The following PDE6B variants were observed in gnomAD, a reference collection of about 807,000 sequenced individuals.
The protein encoded by PDE6B is rod cGMP-specific 3',5'-cyclic phosphodiesterase subunit beta.
Under a neutral mutation model 109.0 loss-of-function variants are expected in PDE6B, and 106 were observed. That is an observed-to-expected ratio of 0.97 (90% CI 0.83 to 1.14). PDE6B has a LOEUF of 1.14. Among genes scored for constraint, PDE6B ranks in the 50% most tolerant of loss-of-function variants. The pLI, the probability that PDE6B is intolerant of heterozygous loss-of-function variation, is 0.00. For synonymous variants in PDE6B, 490 were observed against 471.3 expected (o/e 1.04, Z -0.51); for missense variants, 1,193 against 1,155.6 (o/e 1.03, Z -0.47).
rs1560141047 is a variant in PDE6B at position 667,915 on chromosome 4, G to A, written c.2412G>A (p.Arg804=). Residue 804 remains arginine, a synonymous_variant, in exon 21 of 22, where the codon AGG becomes AGA. Coordinates refer to ENST00000496514, the MANE Select transcript of PDE6B (RefSeq NM_000283.4). ...TGTTCGACCGACTGCAGAACAATAG[G>A]AAAGAGTGGAAGGCGCTGGCTGATG... ...LPMFDRLQNN[R]KEWKALADEY... 3 of 1,613,632 alleles carry A rather than the reference G, an allele frequency of 1.9e-6. No homozygotes were observed.
Position 663,567 on chromosome 4 carries a change from C to G in PDE6B, c.1921-203C>G, listed in dbSNP as rs111917442. Among the ~76,000 whole-genome samples the G allele has an allele frequency of 6.6e-6, 1 of 152,206 alleles. No individual in the cohort carries two copies. Among genetic ancestry groups the G allele is most frequent in the Non-Finnish European group, 1.5e-5 (1 of 68,028 alleles). ...GTGACCTCTGAGGCCATCTGCGTCC[C>G]AAGCCGACGATGGAGCCGCTGGTGG... is the stretch of plus-strand genomic sequence containing the variant. On this transcript the variant is annotated intron_variant, in intron 15 of 21. Transcript: ENST00000496514. This position sits in a 1 kb window ranked among gnomAD's most constrained non-coding sequence, Gnocchi z 4.0.
At chr4:631,912 T>C (rs1734405854) in intron 1 of PDE6B, among the ~76,000 whole-genome samples, 1 of 151,292 alleles carries the variant, frequency 6.6e-6, no homozygotes, top group African/African-American at 2.4e-5. Context: ...ATTGCATGGA[T>C]TCATGTGTCA....
At position 635,979 on chromosome 4, in the gene PDE6B, C is replaced by CGCAGA; in HGVS notation, c.711+12_711+13insAGAGC. The CGCAGA allele has an allele frequency of 6.5e-7, 1 of 1,530,540 alleles. No homozygotes were observed. The highest frequency in any genetic ancestry group is 9.1e-7 in the Non-Finnish European group (1 of 1,103,876). The allele number at this position is 1,530,540 out of a possible 1,614,324, so 94.8% of individuals were successfully genotyped here. A position where few individuals can be genotyped will look rare whatever the true frequency, so the allele number is the denominator to read the frequency against. Reference sequence around the variant, plus strand: ...GACGCGCCGCGGCCAGGTACCCACACGCTGAGCACAGCTCTGCCCACGAGG... The same window carrying CGCAGA: ...GACGCGCCGCGGCCAGGTACCCACACGCAGAGCTGAGCACAGCTCTGCCCACGAGG... On this transcript the variant is annotated intron_variant, in intron 3 of 21. Coordinates refer to ENST00000496514, the MANE Select transcript of PDE6B (RefSeq NM_000283.4).
chr4:664,970 C>T, intron 18 of PDE6B, 26 bp downstream of exon 18: 1 of 1,566,676 alleles, frequency 6.4e-7, no homozygotes, highest in African/African-American at 1.3e-5. Flanking sequence ...CCTCCAGACC[C>T]AGAGTCAGTG....
In PDE6B at chr4:670,697, G is replaced by T. The variant is rs902811843; in HGVS notation, c.*590G>T. The T allele has an allele frequency of 6.4e-6, 1 of 155,678 alleles. No individual in the cohort carries two copies. Among genetic ancestry groups the T allele is most frequent in the Non-Finnish European group, 1.4e-5 (1 of 70,026 alleles). The allele number at this position is 155,678 out of a possible 1,614,324, so 9.6% of individuals were successfully genotyped here. On this transcript the variant is annotated 3_prime_UTR_variant, in exon 22 of 22. Coordinates refer to ENST00000496514, the MANE Select transcript of PDE6B (RefSeq NM_000283.4). ...CACACATGTACATATGTGTACACAG[G>T]TAGACAGATGGACACAGGCCGTTTC...
Position 665,219 on chromosome 4 carries a change from A to C in PDE6B, c.2194-36A>C. The C allele has an allele frequency of 1.3e-6, 2 of 1,529,536 alleles. No homozygotes were observed. Among genetic ancestry groups the C allele is most frequent in the Non-Finnish European group, 1.8e-6 (2 of 1,104,874 alleles). The allele number at this position is 1,529,536 out of a possible 1,614,324, so 94.7% of individuals were successfully genotyped here. On this transcript the variant is annotated intron_variant, in intron 18 of 21. Transcript: ENST00000496514. The surrounding 1 kb of genome is among the most constrained non-coding windows in gnomAD (Gnocchi z 4.0). ...GGCCCGGGCCCTTCCGCGTGGGCTC[A>C]GAGCTCCACAGACAGCTGCCTTCCT...
In PDE6B at chr4:636,425, C is replaced by T. The variant is rs1466643201; in HGVS notation, c.711+456C>T. ...GTACGGGGGCAGGTCTGGCCCTGGC[C>T]GAGACGCTGGGGAGGGAGGCCTGAG... On this transcript the variant is annotated intron_variant, in intron 3 of 21. Coordinates refer to ENST00000496514, the MANE Select transcript of PDE6B (RefSeq NM_000283.4). This position sits in a 1 kb window ranked among gnomAD's most constrained non-coding sequence, Gnocchi z 4.5. Among the ~76,000 whole-genome samples, 2 of 151,990 alleles carry T rather than the reference C, an allele frequency of 1.3e-5. No individual in the cohort carries two copies. Among genetic ancestry groups the T allele is most frequent in the Non-Finnish European group, 2.9e-5 (2 of 67,986 alleles).
At chr4:654,665 C>T (rs757694575) in intron 5 of PDE6B, 159 bp from the exon 6 acceptor site, 14 of 742,452 alleles carry the variant, frequency 1.9e-5, no homozygotes, top group African/African-American at 1.5e-4. Context: ...TACCTGCGCA[C>T]GGCGGAGACA....
chr4:625,764 C>T lies in PDE6B; in HGVS notation c.138C>T (p.Ser46=), dbSNP rs749254565. The T allele has an allele frequency of 2.5e-6, 4 of 1,613,334 alleles. No individual in the cohort carries two copies. In the East Asian group the frequency reaches 6.7e-5, roughly 27 times the overall value. The change falls in exon 1 of 22, where the codon AGC becomes AGT. Residue 46 remains serine, a synonymous_variant. Transcript: ENST00000496514. This position sits in a 1 kb window ranked among gnomAD's most constrained non-coding sequence, Gnocchi z 5.0. ...ACGGGTGCCCGCCGGACTGCGACAG[C>T]CTCCGGGACCTCTGCCAGGTGGAGG... ...CEDGCPPDCD[S]LRDLCQVEES... is the part of the protein sequence containing the mutation.
rs1405246786 is a variant in PDE6B, at chr4:661,757, C to T, written c.1615-377C>T. The T allele has an allele frequency of 1.3e-5, 4 of 314,362 alleles. No individual in the cohort carries two copies. In the East Asian group the frequency reaches 3.2e-4, roughly 25 times the overall value. 19.5% of individuals were successfully genotyped at this position (314,362 alleles called of 1,614,324 possible). On this transcript the variant is annotated intron_variant, in intron 12 of 21. Transcript: ENST00000496514. ...ACATCGGTTCTCCCACCCCAGCCTGCAGCCCACACATTCTGCTCATTCAAA... is the reference window on the plus strand; with the variant it reads ...ACATCGGTTCTCCCACCCCAGCCTGTAGCCCACACATTCTGCTCATTCAAA...
chr4:660,967 A>C (rs1048241438), intron 12 of PDE6B, among the ~76,000 whole-genome samples: 1 of 140,140 alleles, frequency 7.1e-6, no homozygotes, highest in Non-Finnish European at 1.6e-5. Flanking sequence ...TGCCAATGGT[A>C]GTTGGATAGT....
At chr4:634,634 A>G in intron 1 of PDE6B, 43 bp from the exon 2 acceptor site, 1 of 1,558,884 alleles carries the variant, frequency 6.4e-7, no homozygotes, top group South Asian at 1.1e-5. Context: ...CTCCAGGCCC[A>G]CGGTGCGACA....
rs540772579 is a variant in PDE6B at position 653,840 on chromosome 4, C to T, written c.712-12C>T. The T allele has an allele frequency of 1.5e-5, 24 of 1,613,274 alleles. No individual in the cohort carries two copies. Among genetic ancestry groups the T allele is most frequent in the African/African-American group, 6.7e-5 (5 of 75,034 alleles). ...AGTGGCCACAGGCCCACAGGTGTGC[C>T]CCTCCCTCCAGGTGCTGCTGTGGTC... On this transcript the variant is annotated splice_polypyrimidine_tract_variant and intron_variant, in intron 3 of 21. Coordinates refer to ENST00000496514, the MANE Select transcript of PDE6B (RefSeq NM_000283.4).
chr4:625,597 C>T lies in PDE6B; in HGVS notation c.-30C>T. 1 of 1,461,236 alleles carries T rather than the reference C, an allele frequency of 6.8e-7. No homozygotes were observed. The highest frequency in any genetic ancestry group is 1.1e-5 in the South Asian group (1 of 88,046). The allele number at this position is 1,461,236 out of a possible 1,614,324, so 90.5% of individuals were successfully genotyped here. On this transcript the variant is annotated 5_prime_UTR_variant, in exon 1 of 22. Transcript: ENST00000496514. This position sits in a 1 kb window ranked among gnomAD's most constrained non-coding sequence, Gnocchi z 5.0. ...CCTGGGAGTCCATGCGTGCCTGGAG[C>T]AGCAGCGTCTCCAGGGACAGGCAGC...
chr4:636,731 G>T lies in PDE6B; in HGVS notation c.711+762G>T, dbSNP rs978149032. Among the ~76,000 whole-genome samples the T allele has an allele frequency of 2.0e-5, 3 of 152,210 alleles. No individual in the cohort carries two copies. The highest frequency in any genetic ancestry group is 4.4e-5 in the Non-Finnish European group (3 of 68,018). On this transcript the variant is annotated intron_variant, in intron 3 of 21. Coordinates refer to ENST00000496514, the MANE Select transcript of PDE6B (RefSeq NM_000283.4). This position sits in a 1 kb window ranked among gnomAD's most constrained non-coding sequence, Gnocchi z 4.5. ...GCCTGGCCCTGGTCACCTGCTGCGA[G>T]CCTGCTGAACGTGGCGAGAGGCTGA... is the stretch of plus-strand genomic sequence containing the variant.
intron 5 of PDE6B, chr4:654,488 C>T (rs1047197558): frequency 3.8e-5 from 22 of 581,576 alleles, no homozygotes; most frequent in Middle Eastern, 4.6e-4. Flanking sequence ...TGTGAGAGTA[C>T]GGGCCCAGCT....
At position 667,894 on chromosome 4, in the gene PDE6B, C is replaced by T. The variant is rs143154045; in HGVS notation, c.2391C>T (p.Phe797=). Residue 797 remains phenylalanine (F), a synonymous_variant, in exon 21 of 22, where the codon TTC becomes TTT. Coordinates refer to ENST00000496514, the MANE Select transcript of PDE6B (RefSeq NM_000283.4). ...SRFHEEILPM[F]DRLQNNRKEW... is the part of the protein sequence containing the mutation. ...TCCACGAAGAGATCCTGCCCATGTTCGACCGACTGCAGAACAATAGGAAAG... is the reference window on the plus strand; with the variant it reads ...TCCACGAAGAGATCCTGCCCATGTTTGACCGACTGCAGAACAATAGGAAAG... The T allele has an allele frequency of 3.5e-5, 57 of 1,613,468 alleles. No homozygotes were observed. In the African/African-American group the frequency reaches 4.4e-4, roughly 12 times the overall value.
In PDE6B at chr4:667,388, G is replaced by A. The variant is rs553472292; in HGVS notation, c.2353-468G>A. On this transcript the variant is annotated intron_variant, in intron 20 of 21. Transcript: ENST00000496514. ...TGGGCCTGAAGTGGCCACAGGTCAC[G>A]GCCCCACTGCAGGTGCCCCCCACTG... Among the ~76,000 whole-genome samples, 7 of 152,246 alleles carry A rather than the reference G, an allele frequency of 4.6e-5. No homozygotes were observed. In the South Asian group the frequency reaches 6.2e-4, roughly 14 times the overall value.
chr4:654,526 C>G lies in PDE6B; in HGVS notation c.928-298C>G, dbSNP rs1347603307. On this transcript the variant is annotated intron_variant, in intron 5 of 21. Coordinates refer to ENST00000496514, the MANE Select transcript of PDE6B (RefSeq NM_000283.4). ...TGTGTGGGATTGTGCGGAACACAGACTGGGAAGACAGATGTAAACCGCGGC... is the reference window on the plus strand; with the variant it reads ...TGTGTGGGATTGTGCGGAACACAGAGTGGGAAGACAGATGTAAACCGCGGC... 5.1e-6 allele frequency: 3 copies of G among 592,368 alleles called. No individual in the cohort carries two copies. The African/African-American group carries it at 5.6e-5, about 11-fold the overall frequency. The allele number at this position is 592,368 out of a possible 1,614,324, so 36.7% of individuals were successfully genotyped here. A position where few individuals can be genotyped will look rare whatever the true frequency, so the allele number is the denominator to read the frequency against.
Sources: allele counts gnomAD v4.1 joint callset (sites outside exome capture counted in the v4.1 genomes callset), GRCh38; gene constraint gnomAD v4.1.1; non-coding constraint Gnocchi (gnomAD v3.1); transcripts MANE v1.5; gene names NCBI Gene and HGNC (gene_info 2026-07-23, HGNC 2026-07-21).